Variants in PRKN observed in about 807,000 individuals in gnomAD.
PRKN encodes the protein parkin RBR E3 ubiquitin protein ligase.
A neutral mutation model predicts 59.5 loss-of-function variants in PRKN; 56 were observed. The ratio of observed to expected loss-of-function variants is 0.94; its 90% CI spans 0.76 to 1.18. The LOEUF (loss-of-function observed/expected upper bound fraction) is 1.18, where lower values mean the gene tolerates loss of function less well. PRKN is among the 50% of genes most tolerant of loss of function. PRKN has a pLI of 0.00. For synonymous variants in PRKN, 250 were observed against 222.1 expected (o/e 1.13, Z -1.12); for missense variants, 657 against 596.4 (o/e 1.10, Z -1.06).
At chr6:161,968,187 A>AT (rs530441181) in intron 6 of PRKN, among the ~76,000 whole-genome samples, 1,541 of 127,914 alleles carry the variant, frequency 0.012, 14 homozygotes, top group African/African-American at 0.024. Context: ...TGCCTGGCTA[A>AT]TTTTTTTTTT....
At chr6:161,608,144 G>T (rs1029173011) in intron 7 of PRKN, among the ~76,000 whole-genome samples, 1 of 151,976 alleles carries the variant, frequency 6.6e-6, no homozygotes, top group African/African-American at 2.4e-5. Flanking sequence ...AGGAGGAGTG[G>T]GACCTCAGAA....
At chr6:161,780,437 A>G (rs1790155907) in intron 7 of PRKN, among the ~76,000 whole-genome samples, 1 of 152,206 alleles carries the variant, frequency 6.6e-6, no homozygotes, top group Admixed American at 6.5e-5. Flanking sequence ...ATGTATTGCA[A>G]AGGGGTTATC....
intron 1 of PRKN, among the ~76,000 whole-genome samples, chr6:162,584,638 C>T (rs1420611874): frequency 6.6e-6 from 1 of 152,018 alleles, no homozygotes; most frequent in African/African-American, 2.4e-5. Flanking sequence ...GGGAAAAAAG[C>T]CAGCCATACA....
At chr6:162,028,133 T>G (rs923796821) in intron 5 of PRKN, among the ~76,000 whole-genome samples, 2 of 152,194 alleles carry the variant, frequency 1.3e-5, no homozygotes, top group Non-Finnish European at 2.9e-5. Context: ...TGTGCTCTTT[T>G]AGAAAAGCCA....
In PRKN at chr6:162,492,247, A is replaced by C. The variant is rs1792849942; in HGVS notation, c.8-48774T>G. Among the ~76,000 whole-genome samples, 2 of 152,348 alleles carry C rather than the reference A, an allele frequency of 1.3e-5. 1 individual carries two copies. Among genetic ancestry groups the C allele is most frequent in the Admixed American group, 1.3e-4 (2 of 15,306 alleles). ...GTGACAAATGTCACCTGAAAGACGAAGGGGAAATAATTTGCATTGAAGGGT... is the reference window on the plus strand; with the variant it reads ...GTGACAAATGTCACCTGAAAGACGACGGGGAAATAATTTGCATTGAAGGGT... On this transcript the variant is annotated intron_variant, in intron 1 of 11. Coordinates refer to ENST00000366898, the MANE Select transcript of PRKN (RefSeq NM_004562.3).
rs1791276620 is a variant in PRKN at position 162,463,646 on chromosome 6, C to CT, written c.8-20174dup. On this transcript the variant is annotated intron_variant, in intron 1 of 11. Coordinates refer to ENST00000366898, the MANE Select transcript of PRKN (RefSeq NM_004562.3). The stretch of plus-strand genomic sequence containing the variant: ...GGAGATGTTGACAATGTGACTACTG[C>CT]TATGGGGCAAGTAATAAACTATCCA... 2.0e-5 allele frequency among the ~76,000 whole-genome samples: 3 copies of CT among 152,274 alleles called. No homozygotes were observed. The South Asian group carries it at 6.2e-4, about 32-fold the overall frequency.
chr6:162,358,798 G>A (rs560332803), intron 2 of PRKN, among the ~76,000 whole-genome samples: 2 of 151,966 alleles, frequency 1.3e-5, no homozygotes, highest in South Asian at 2.1e-4. Flanking sequence ...AGCAGCTCAC[G>A]CCTGTAATCC....
chr6:162,692,176 T>C (rs201982099), intron 1 of PRKN, among the ~76,000 whole-genome samples: 1 of 46,862 alleles, frequency 2.1e-5, no homozygotes, highest in Non-Finnish European at 3.8e-5. Flanking sequence ...GATTAGAAAA[T>C]TAAAAAAAAA....
intron 6 of PRKN, among the ~76,000 whole-genome samples, chr6:161,968,196 T>A (rs1376576112): frequency 1.3e-5 from 2 of 149,644 alleles, no homozygotes; most frequent in Non-Finnish European, 3.0e-5. Flanking sequence ...AATTTTTTTT[T>A]TTTTTTTTTT....
At position 161,529,700 on chromosome 6, in the gene PRKN, G is replaced by C. The variant is rs547524846; in HGVS notation, c.1083+19154C>G. Among the ~76,000 whole-genome samples the C allele has an allele frequency of 2.0e-5, 3 of 152,240 alleles. No individual in the cohort carries two copies. The South Asian group carries it at 6.2e-4, about 32-fold the overall frequency. ...ATATAAGTTGTCTTCTGCAAAATAA[G>C]ACACAAAAATAGTTTTGAAATCAAA... On this transcript the variant is annotated intron_variant, in intron 9 of 11. Transcript: ENST00000366898. The surrounding 1 kb of genome is among the most constrained non-coding windows in gnomAD (Gnocchi z 4.4).
chr6:161,491,234 T>A (rs187668191), intron 9 of PRKN, among the ~76,000 whole-genome samples: 75 of 152,234 alleles, frequency 4.9e-4, no homozygotes, highest in African/African-American at 1.7e-3. Flanking sequence ...TATGGACAGT[T>A]GGGTAGGTGG....
intron 2 of PRKN, among the ~76,000 whole-genome samples, chr6:162,361,343 T>C (rs1194629124): frequency 6.6e-6 from 1 of 151,888 alleles, no homozygotes; most frequent in Non-Finnish European, 1.5e-5. Flanking sequence ...CGAAGGTGAT[T>C]AGGGTTAGAT....
intron 6 of PRKN, among the ~76,000 whole-genome samples, chr6:161,811,581 T>A (rs1279033188): frequency 6.6e-6 from 1 of 152,086 alleles, no homozygotes; most frequent in Non-Finnish European, 1.5e-5. Flanking sequence ...ACACAAAGAT[T>A]AACAAGAAAT....
intron 1 of PRKN, among the ~76,000 whole-genome samples, chr6:162,539,619 CA>C (rs1052990565): frequency 6.6e-6 from 1 of 152,044 alleles, no homozygotes; most frequent in African/African-American, 2.4e-5. Context: ...AAACATCAGA[CA>C]AAAAAATGTA....
At chr6:161,452,040 C>T (rs1789760295) in intron 9 of PRKN, among the ~76,000 whole-genome samples, 1 of 151,846 alleles carries the variant, frequency 6.6e-6, no homozygotes, top group Admixed American at 6.6e-5. Context: ...ACTGCACCCT[C>T]CCCCTCCCGG....
intron 7 of PRKN, among the ~76,000 whole-genome samples, chr6:161,766,313 C>CTTTTTTTTTTTTTTTTTTTTTTTT (rs1583130349): frequency 2.4e-5 from 2 of 82,650 alleles, no homozygotes; most frequent in African/African-American, 8.1e-5. Flanking sequence ...TCATTGACCA[C>CTTTTTTTTTTTTTTTTTTTTTTTT]ATTTTTTTTT....
At chr6:162,538,593 T>G (rs1396243250) in intron 1 of PRKN, among the ~76,000 whole-genome samples, 1 of 152,200 alleles carries the variant, frequency 6.6e-6, no homozygotes, top group African/African-American at 2.4e-5. Flanking sequence ...TCCATGTTTT[T>G]GTATTTTCTC....
At chr6:161,724,374 T>C (rs926386427) in intron 7 of PRKN, among the ~76,000 whole-genome samples, 1 of 152,272 alleles carries the variant, frequency 6.6e-6, no homozygotes, top group African/African-American at 2.4e-5. Flanking sequence ...AGTCATATTC[T>C]GCATTTGTAA....
At chr6:162,058,866 C>T (rs966159348) in intron 4 of PRKN, among the ~76,000 whole-genome samples, 2 of 150,604 alleles carry the variant, frequency 1.3e-5, no homozygotes, top group Admixed American at 6.7e-5. Flanking sequence ...GGAGGAGAAT[C>T]GCTTGAGCCA....
Sources: gnomAD v4.1 joint callset for allele counts (sites outside exome capture counted in the v4.1 genomes callset) on GRCh38, gnomAD v4.1.1 for gene constraint, Gnocchi (gnomAD v3.1) non-coding constraint, MANE v1.5 for transcripts, NCBI Gene and HGNC (gene_info 2026-07-23, HGNC 2026-07-21) for gene names.